Variants in NEK6 observed in about 807,000 individuals in gnomAD.
NEK6 encodes serine/threonine-protein kinase Nek6.
Under a neutral mutation model 43.5 loss-of-function variants are expected in NEK6, and 27 were observed. The observed-to-expected ratio is 0.62, with a 90% confidence interval of 0.46 to 0.86. NEK6 has a LOEUF of 0.86. NEK6 is among the 40% of genes least tolerant of loss of function. The probability of loss-of-function intolerance (pLI) is 0.00; values close to 1 mark genes in which losing one functional copy is unlikely to be tolerated. For synonymous variants in NEK6, 167 were observed against 164.1 expected (o/e 1.02, Z -0.14); for missense variants, 318 against 414.4 (o/e 0.77, Z 2.02).
chr9:124,331,601 G>A (rs922674005), intron 7 of NEK6, among the ~76,000 whole-genome samples: 16 of 152,174 alleles, frequency 1.1e-4, no homozygotes, highest in African/African-American at 3.9e-4. Flanking sequence ...ACCTGACCTC[G>A]CCAGCAGCAG....
chr9:124,320,540 C>T (rs1834015859), intron 4 of NEK6, among the ~76,000 whole-genome samples: 1 of 152,206 alleles, frequency 6.6e-6, no homozygotes, highest in Admixed American at 6.5e-5. Flanking sequence ...ACACCCACAC[C>T]AGGGCAGGAT....
At chr9:124,280,755 T>C (rs185942591) in intron 1 of NEK6, among the ~76,000 whole-genome samples, 23 of 152,348 alleles carry the variant, frequency 1.5e-4, no homozygotes, top group Middle Eastern at 6.8e-3. Context: ...CATTTGCACA[T>C]TGTGTATAAT....
In NEK6 at chr9:124,275,253, GTGCCCAC is replaced by G. The variant is rs1831606934; in HGVS notation, c.-30+17170_-30+17176del. Among the ~76,000 whole-genome samples the G allele has an allele frequency of 6.6e-6, 1 of 152,192 alleles. No homozygotes were observed. Among genetic ancestry groups the G allele is most frequent in the Admixed American group, 6.5e-5 (1 of 15,286 alleles). ...TTAAACTTCTAGGGATGAGATGTAGGTGCCCACTTATTTAAACCAGGGCCATTTCATC... is the reference window on the plus strand; with the variant it reads ...TTAAACTTCTAGGGATGAGATGTAGGTTATTTAAACCAGGGCCATTTCATC... On this transcript the variant is annotated intron_variant, in intron 1 of 9. Coordinates refer to ENST00000320246, the MANE Select transcript of NEK6 (RefSeq NM_014397.6). The surrounding 1 kb of genome is among the most constrained non-coding windows in gnomAD (Gnocchi z 4.4).
chr9:124,268,932 T>C (rs1463172357), intron 1 of NEK6, among the ~76,000 whole-genome samples: 1 of 151,914 alleles, frequency 6.6e-6, no homozygotes, highest in Admixed American at 6.5e-5. Flanking sequence ...GACATGACAA[T>C]GGGGGAGAGA....
At chr9:124,327,655 T>G (rs1588520360) in intron 7 of NEK6, among the ~76,000 whole-genome samples, 1 of 152,226 alleles carries the variant, frequency 6.6e-6, no homozygotes, top group African/African-American at 2.4e-5. Context: ...CCACACCCCC[T>G]GATCACCTCC....
intron 8 of NEK6, among the ~76,000 whole-genome samples, chr9:124,346,746 T>C (rs1237433285): frequency 6.6e-6 from 1 of 152,052 alleles, no homozygotes; most frequent in East Asian, 1.9e-4. Flanking sequence ...GAGTCCCCTG[T>C]GAGTGCCCTG....
At chr9:124,269,714 T>C (rs1321466755) in intron 1 of NEK6, among the ~76,000 whole-genome samples, 1 of 151,654 alleles carries the variant, frequency 6.6e-6, no homozygotes, top group African/African-American at 2.4e-5. Flanking sequence ...GGGCAGGGAG[T>C]CGTGTGGAAG....
chr9:124,346,812 G>A (rs553875751), intron 8 of NEK6, among the ~76,000 whole-genome samples: 1 of 152,312 alleles, frequency 6.6e-6, no homozygotes, highest in East Asian at 1.9e-4. Flanking sequence ...GGAGGCCACC[G>A]CCCCACAGGC....
intron 5 of NEK6, among the ~76,000 whole-genome samples, chr9:124,325,945 A>G (rs985538271): frequency 6.6e-6 from 1 of 152,126 alleles, no homozygotes; most frequent in Non-Finnish European, 1.5e-5. Context: ...GAGAGTCCAC[A>G]CCCATTTCAG....
chr9:124,261,994 G>A (rs1831049836), intron 1 of NEK6, among the ~76,000 whole-genome samples: 1 of 149,666 alleles, frequency 6.7e-6, no homozygotes, highest in Non-Finnish European at 1.5e-5. Flanking sequence ...AGGAAGTGGT[G>A]TGCACATGCC....
Position 124,339,636 on chromosome 9 carries a change from A to G in NEK6, c.688A>G (p.Ile230Val), listed in dbSNP as rs1042477188. Residue 230 changes from isoleucine to valine, a missense_variant, in exon 8 of 10, where the codon ATC (isoleucine) becomes GTC (valine). This residue lies in a region of NEK6 where 239 missense variants were observed against 344.4 expected (regional missense o/e 0.69). Coordinates refer to ENST00000320246, the MANE Select transcript of NEK6 (RefSeq NM_014397.6). Reference protein sequence around the residue: ...HENGYNFKSDIWSLGCLLYEM... With the variant: ...HENGYNFKSDVWSLGCLLYEM... ...GAACGGCTACAACTTCAAGTCCGAC[A>G]TCTGGTCCCTGGGCTGTCTGCTGTA... The G allele has an allele frequency of 6.2e-7, 1 of 1,614,058 alleles. No individual in the cohort carries two copies. Among genetic ancestry groups the G allele is most frequent in the Non-Finnish European group, 8.5e-7 (1 of 1,179,928 alleles).
At chr9:124,264,814 CAAAAAA>C (rs372219790) in intron 1 of NEK6, among the ~76,000 whole-genome samples, 35,591 of 87,838 alleles carry the variant, frequency 0.41, 4,439 homozygotes, top group Middle Eastern at 0.48. Flanking sequence ...GACTCTGTAT[CAAAAAA>C]AAAAAAAAAA....
intron 1 of NEK6, among the ~76,000 whole-genome samples, chr9:124,290,317 C>T (rs1428444994): frequency 6.6e-6 from 1 of 152,236 alleles, no homozygotes; most frequent in Non-Finnish European, 1.5e-5. Context: ...GTGCCACACG[C>T]ACCAGGTCCT....
chr9:124,315,151 AGAT>A (rs1436802879), intron 4 of NEK6, among the ~76,000 whole-genome samples: 4 of 152,264 alleles, frequency 2.6e-5, no homozygotes, highest in African/African-American at 9.6e-5. Context: ...GGTAGGAAGC[AGAT>A]GGTGACCTTC....
chr9:124,320,195 G>C (rs1244261352), intron 4 of NEK6, among the ~76,000 whole-genome samples: 2 of 152,228 alleles, frequency 1.3e-5, no homozygotes, highest in Non-Finnish European at 2.9e-5. Flanking sequence ...GTCCAGAGCA[G>C]GGGTTTGAGG....
intron 1 of NEK6, chr9:124,259,279 C>G (rs1830929764): frequency 6.6e-6 from 1 of 152,128 alleles, no homozygotes; most frequent in Non-Finnish European, 1.5e-5. Context: ...TTCAGCTTGC[C>G]TTTTTTGGGG....
chr9:124,300,420 A>AG (rs1832910033), intron 1 of NEK6, among the ~76,000 whole-genome samples: 1 of 152,048 alleles, frequency 6.6e-6, no homozygotes, highest in South Asian at 2.1e-4. Flanking sequence ...AGGGAGTGGC[A>AG]GGGCTGCTGG....
At position 124,350,841 on chromosome 9, in the gene NEK6, G is replaced by A. The variant is rs200398623; in HGVS notation, c.836G>A (p.Arg279Gln). Residue 279 changes from arginine to glutamine, a missense_variant, in exon 10 of 10, where the codon CGA becomes CAA. Transcript: ENST00000320246. ...ACACCATTCTCTCCCCTGCAGTTACGAGAACTGGTCAGCATGTGCATCTGC... is the reference window on the plus strand; with the variant it reads ...ACACCATTCTCTCCCCTGCAGTTACAAGAACTGGTCAGCATGTGCATCTGC... The part of the protein sequence containing the change: ...LPGEHYSEKL[R>Q]ELVSMCICPD... 1.6e-4 allele frequency: 258 copies of A among 1,611,434 alleles called. No homozygotes were observed. Among genetic ancestry groups the A allele is most frequent in the Non-Finnish European group, 2.0e-4 (234 of 1,178,806 alleles).
intron 1 of NEK6, among the ~76,000 whole-genome samples, chr9:124,286,970 C>T (rs910805576): frequency 1.3e-5 from 2 of 152,210 alleles, no homozygotes; most frequent in Admixed American, 6.5e-5. Flanking sequence ...AAGGCCCTGG[C>T]TCACCTGGGA....
Sources: gnomAD v4.1 joint callset for allele counts (sites outside exome capture counted in the v4.1 genomes callset) on GRCh38, gnomAD v4.1.1 for gene constraint, gnomAD v4.1.1 regional missense constraint, Gnocchi (gnomAD v3.1) non-coding constraint, MANE v1.5 for transcripts, NCBI Gene and HGNC (gene_info 2026-07-23, HGNC 2026-07-21) for gene names.